Variants in DNAH5 observed in about 807,000 individuals in gnomAD.
DNAH5 encodes the protein dynein axonemal heavy chain 5, also known as axonemal beta dynein heavy chain 5.
In DNAH5, 372 loss-of-function variants were observed where a neutral mutation model predicts 518.2. The observed-to-expected ratio is 0.72, with a 90% CI of 0.66 to 0.78. DNAH5 has a LOEUF of 0.78. Among genes scored for constraint, DNAH5 ranks in the 30% least tolerant of loss-of-function variants. The pLI is 0.00. For synonymous variants in DNAH5, 2,039 were observed against 2,025.9 expected (o/e 1.01, Z -0.17); for missense variants, 5,523 against 5,687.0 (o/e 0.97, Z 0.93).
At chr5:13,868,095 G>T in intron 24 of DNAH5, 103 bp from the exon 25 acceptor site, 1 of 913,434 alleles carries the variant, frequency 1.1e-6, no homozygotes, top group African/African-American at 1.6e-5. Context: ...GAATAATAGT[G>T]AAACTACCCT....
rs945794140 is a variant in DNAH5 at position 13,806,344 on chromosome 5, C to A, written c.7887+1247G>T. On this transcript the variant is annotated intron_variant, in intron 47 of 78. Transcript: ENST00000265104. ...TGGTATTTATTTGATAGAAAGATAG[C>A]CCATACTGGAAATCCTGTCTCCTCC... Among the ~76,000 whole-genome samples the A allele has an allele frequency of 2.0e-5, 3 of 152,228 alleles. No homozygotes were observed. In the South Asian group the frequency reaches 6.2e-4, roughly 32 times the overall value.
rs71600031 is a variant in DNAH5 at position 13,886,135 on chromosome 5, CAA to C, written c.2578-8_2578-7del. On this transcript the variant is annotated splice_polypyrimidine_tract_variant and splice_region_variant and intron_variant, in intron 17 of 78. Coordinates refer to ENST00000265104, the MANE Select transcript of DNAH5 (RefSeq NM_001369.3). Reference sequence around the variant, plus strand: ...GCACCATTTACACAAAGATCCTAACCAAAAAAAAAAAAAAAAAAAGATAGCAC... The same window carrying C: ...GCACCATTTACACAAAGATCCTAACCAAAAAAAAAAAAAAAAAGATAGCAC... 331,413 of 1,297,238 alleles carry C rather than the reference CAA, an allele frequency of 0.26. 6,936 individuals carry two copies. The highest frequency in any genetic ancestry group is 0.34 in the African/African-American group (19,903 of 59,384). 80.4% of individuals were successfully genotyped at this position (1,297,238 alleles called of 1,614,324 possible). A position where few individuals can be genotyped will look rare whatever the true frequency, so the allele number is the denominator to read the frequency against.
chr5:13,978,200 A>G (rs1782413200), intron 1 of DNAH5, among the ~76,000 whole-genome samples: 2 of 152,178 alleles, frequency 1.3e-5, no homozygotes, highest in Admixed American at 1.3e-4. Context: ...CTTCACCACC[A>G]CTGCAGTGGT....
chr5:13,841,993 G>T, intron 32 of DNAH5, 89 bp from the exon 33 acceptor site: 1 of 789,996 alleles, frequency 1.3e-6, no homozygotes, highest in Non-Finnish European at 2.0e-6. Flanking sequence ...CCCAAAGAAA[G>T]TAAAGCTACA....
In DNAH5 at chr5:13,810,105, T is replaced by C. The variant is rs1760382725; in HGVS notation, c.7563A>G (p.Pro2521=). The change falls in exon 45 of 79, where the codon CCA becomes CCG. Residue 2521 remains proline, a synonymous_variant. Coordinates refer to ENST00000265104, the MANE Select transcript of DNAH5 (RefSeq NM_001369.3). The part of the protein sequence containing the change: ...RPTGTLELPP[P]AGPGDTAFDY... ...CGAAGGCGGTGTCCCCGGGCCCCGCTGGCGGCGGCAGCTCCAGCGTCCCTG... is the reference window on the plus strand; with the variant it reads ...CGAAGGCGGTGTCCCCGGGCCCCGCCGGCGGCGGCAGCTCCAGCGTCCCTG... 1 of 1,551,514 alleles carries C rather than the reference T, an allele frequency of 6.4e-7. No individual in the cohort carries two copies. The highest frequency in any genetic ancestry group is 1.2e-5 in the South Asian group (1 of 84,134).
At position 13,865,924 on chromosome 5, in the gene DNAH5, G is replaced by A; in HGVS notation, c.4117-18C>T. On this transcript the variant is annotated intron_variant, in intron 26 of 78. Coordinates refer to ENST00000265104, the MANE Select transcript of DNAH5 (RefSeq NM_001369.3). Reference sequence around the variant, plus strand: ...AATTGATTCTAATAAAAACACAAGTGAAAACGCATCAAAATGATTTATACA... The same window carrying A: ...AATTGATTCTAATAAAAACACAAGTAAAAACGCATCAAAATGATTTATACA... 6.8e-7 allele frequency: 1 copy of A among 1,462,498 alleles called. No homozygotes were observed. Among genetic ancestry groups the A allele is most frequent in the Non-Finnish European group, 9.6e-7 (1 of 1,043,444 alleles). 90.6% of individuals were successfully genotyped at this position (1,462,498 alleles called of 1,614,324 possible). A position where few individuals can be genotyped will look rare whatever the true frequency, so the allele number is the denominator to read the frequency against.
At position 13,850,806 on chromosome 5, in the gene DNAH5, G is replaced by A. The variant is rs139364454; in HGVS notation, c.4960C>T (p.Arg1654Trp). The A allele has an allele frequency of 1.5e-5, 24 of 1,614,078 alleles. No homozygotes were observed. The highest frequency in any genetic ancestry group is 1.1e-4 in the African/African-American group (8 of 75,048). The stretch of plus-strand genomic sequence containing the variant: ...CAAGATTTATCTATGTTAGAAAACC[G>A]CTTGGCTTCCTATGAGAACAAGGTA... ...IAKQLPKEAK[R>W]FSNIDKSWVK... Residue 1654 changes from arginine (R) to tryptophan (W), a missense_variant, in exon 31 of 79, where the codon CGG (arginine) becomes TGG (tryptophan). By Grantham distance (101) the Arg-to-Trp change is moderately radical. This residue lies in a region of DNAH5 where 5,121 missense variants were observed against 5,223.3 expected (regional missense o/e 0.98). Coordinates refer to ENST00000265104, the MANE Select transcript of DNAH5 (RefSeq NM_001369.3).
chr5:13,953,083 A>G (rs904746144), intron 1 of DNAH5, among the ~76,000 whole-genome samples: 3 of 152,224 alleles, frequency 2.0e-5, no homozygotes, highest in African/African-American at 4.8e-5. Flanking sequence ...GACCAAACAT[A>G]AACTTCATTT....
intron 56 of DNAH5, 43 bp downstream of exon 56, chr5:13,770,706 G>A: frequency 6.4e-7 from 1 of 1,569,486 alleles, no homozygotes. Flanking sequence ...CTGGTTGAGA[G>A]CCACGGCTTT....
intron 33 of DNAH5, 104 bp downstream of exon 33, chr5:13,841,588 G>A: frequency 1.1e-6 from 1 of 872,160 alleles, no homozygotes; most frequent in Non-Finnish European, 1.9e-6. Flanking sequence ...CTTAATACTG[G>A]TCTAGAGTTA....
At position 13,911,446 on chromosome 5, in the gene DNAH5, C is replaced by T. The variant is rs769824207; in HGVS notation, c.1584G>A (p.Gln528=). ...AATCTTGGTCAAAATCCATTTTCCG[C>T]TGGTCTAGGAAATTGTATTCCTTTT... ...IKKKEYNFLD[Q]RKMDFDQDYE... is the part of the protein sequence containing the mutation. Residue 528 remains glutamine (Q), a synonymous_variant, in exon 12 of 79, where the codon CAG becomes CAA. Transcript: ENST00000265104. 1.4e-5 allele frequency: 23 copies of T among 1,613,936 alleles called. No homozygotes were observed. Among genetic ancestry groups the T allele is most frequent in the Non-Finnish European group, 1.9e-5 (23 of 1,180,008 alleles).
At chr5:13,873,190 C>T (rs1373628718) in intron 22 of DNAH5, among the ~76,000 whole-genome samples, 1 of 152,126 alleles carries the variant, frequency 6.6e-6, no homozygotes, top group East Asian at 1.9e-4. Context: ...AGAGTTTGGC[C>T]TGATTTTTGT....
chr5:13,791,525 T>C (rs1249782671), intron 50 of DNAH5, among the ~76,000 whole-genome samples: 2 of 152,206 alleles, frequency 1.3e-5, no homozygotes, highest in African/African-American at 2.4e-5. Flanking sequence ...TCCAGTTACA[T>C]GGAAAAGAAA....
chr5:13,823,459 G>A, intron 39 of DNAH5, 89 bp from the exon 40 acceptor site: 2 of 842,262 alleles, frequency 2.4e-6, no homozygotes, highest in Non-Finnish European at 4.1e-6. Flanking sequence ...ACACAGTCCG[G>A]GTTATTGCAA....
intron 38 of DNAH5, among the ~76,000 whole-genome samples, chr5:13,826,720 G>C (rs559021030): frequency 1.3e-5 from 2 of 152,256 alleles, no homozygotes; most frequent in East Asian, 3.9e-4. Flanking sequence ...TTAGCAACAG[G>C]AGAACAGACT....
At chr5:13,782,600 T>C (rs1037463220) in intron 52 of DNAH5, among the ~76,000 whole-genome samples, 1 of 152,196 alleles carries the variant, frequency 6.6e-6, no homozygotes, top group Non-Finnish European at 1.5e-5. Context: ...GAACATTCTG[T>C]GTCTTTCCTT....
At chr5:13,923,523 A>C in intron 3 of DNAH5, 83 bp from the exon 4 acceptor site, 1 of 1,505,894 alleles carries the variant, frequency 6.6e-7, no homozygotes, top group Admixed American at 1.8e-5. Context: ...TCCTTGTTAA[A>C]ATATTGCCAT....
chr5:13,780,616 G>C (rs1754955974), intron 53 of DNAH5, among the ~76,000 whole-genome samples: 2 of 152,178 alleles, frequency 1.3e-5, no homozygotes, highest in South Asian at 4.1e-4. Flanking sequence ...TGGCTACTAA[G>C]TGAGAGTTTG....
At chr5:13,973,012 G>A (rs1408691226) in intron 1 of DNAH5, among the ~76,000 whole-genome samples, 2 of 152,222 alleles carry the variant, frequency 1.3e-5, no homozygotes, top group Admixed American at 1.3e-4. Flanking sequence ...ATTACCTTAC[G>A]TGACAACAGG....
Sources: allele counts gnomAD v4.1 joint callset (sites outside exome capture counted in the v4.1 genomes callset), GRCh38; gene constraint gnomAD v4.1.1; regional missense constraint gnomAD v4.1.1; transcripts MANE v1.5; gene names NCBI Gene and HGNC (gene_info 2026-07-23, HGNC 2026-07-21).